PTPRE: variants seen among roughly 807,000 people sequenced by gnomAD.
PTPRE encodes the protein receptor-type tyrosine-protein phosphatase epsilon.
In PTPRE, 51 loss-of-function variants were observed where a neutral mutation model predicts 102.0. That is an observed-to-expected ratio of 0.50 (90% CI 0.40 to 0.63). The LOEUF (loss-of-function observed/expected upper bound fraction) is 0.63, where lower values mean the gene tolerates loss of function less well. Among genes scored for constraint, PTPRE ranks in the 30% least tolerant of loss-of-function variants. The probability of loss-of-function intolerance (pLI) is 0.00; values close to 1 mark genes in which losing one functional copy is unlikely to be tolerated. For missense variants in PTPRE, 752 were observed against 915.1 expected (o/e 0.82, Z 2.30); for synonymous variants, 345 against 348.2 (o/e 0.99, Z 0.10).
intron 1 of PTPRE, among the ~76,000 whole-genome samples, chr10:127,932,573 C>T (rs1315932302): frequency 7.9e-5 from 12 of 152,202 alleles, no homozygotes; most frequent in Admixed American, 7.8e-4. Context: ...TTTTACTCTG[C>T]TTTCCCTGCA....
At chr10:128,071,988 T>C in intron 15 of PTPRE, 150 bp from the exon 16 acceptor site, 1 of 586,616 alleles carries the variant, frequency 1.7e-6, no homozygotes, top group South Asian at 2.5e-5. Flanking sequence ...ACTTTAATTA[T>C]CGTCTCTCAT....
At chr10:128,082,761 A>G in intron 20 of PTPRE, 71 bp from the exon 21 acceptor site, 1 of 1,476,100 alleles carries the variant, frequency 6.8e-7, no homozygotes. Flanking sequence ...CTTGTTTTTG[A>G]GTATTTCTCC....
At chr10:128,023,296 A>C (rs1487588838) in intron 2 of PTPRE, among the ~76,000 whole-genome samples, 3 of 152,066 alleles carry the variant, frequency 2.0e-5, no homozygotes, top group Non-Finnish European at 4.4e-5. Context: ...ATATATACAT[A>C]GTATGTATAG....
Position 128,077,936 on chromosome 10 carries a change from C to T in PTPRE, c.1892+153C>T, listed in dbSNP as rs773609563. On this transcript the variant is annotated intron_variant, in intron 19 of 20. Coordinates refer to ENST00000254667, the MANE Select transcript of PTPRE (RefSeq NM_006504.6). The stretch of plus-strand genomic sequence containing the variant: ...ACCTCTCCTTACACACATGCACACA[C>T]GACTTCACTTAAGTACATACATGTC... Among the ~76,000 whole-genome samples the T allele has an allele frequency of 1.2e-4, 18 of 152,218 alleles. 1 individual carries two copies. Among genetic ancestry groups the T allele is most frequent in the South Asian group, 4.1e-4 (2 of 4,832 alleles).
intron 1 of PTPRE, among the ~76,000 whole-genome samples, chr10:127,928,548 C>A (rs1051527051): frequency 3.9e-5 from 6 of 152,170 alleles, no homozygotes; most frequent in African/African-American, 1.4e-4. Context: ...GCTTTGATGG[C>A]TTAATTCCAC....
intron 2 of PTPRE, among the ~76,000 whole-genome samples, chr10:128,022,598 C>T (rs1174036210): frequency 6.6e-6 from 1 of 152,216 alleles, no homozygotes; most frequent in Admixed American, 6.5e-5. Context: ...CTCTGCCCTG[C>T]ACCTCCAGAG....
rs1003067136 is a variant in PTPRE at position 128,085,748 on chromosome 10, A to G, written c.*2842A>G. 1.3e-5 allele frequency: 2 copies of G among 152,374 alleles called. No individual in the cohort carries two copies. The highest frequency in any genetic ancestry group is 4.8e-5 in the African/African-American group (2 of 41,344). 9.4% of individuals were successfully genotyped at this position (152,374 alleles called of 1,614,324 possible). ...TTTCTTTGATTACATTTATAATTTG[A>G]TCTTGCTCTGATTATAATGCCAGTG... On this transcript the variant is annotated 3_prime_UTR_variant, in exon 21 of 21. Coordinates refer to ENST00000254667, the MANE Select transcript of PTPRE (RefSeq NM_006504.6).
chr10:128,026,475 G>A lies in PTPRE; in HGVS notation c.-7-14400G>A, dbSNP rs573070080. Among the ~76,000 whole-genome samples the A allele has an allele frequency of 2.8e-4, 43 of 152,322 alleles. 1 individual carries two copies. Among genetic ancestry groups the A allele is most frequent in the South Asian group, 1.4e-3 (7 of 4,832 alleles). Reference sequence around the variant, plus strand: ...CCAGTGGGTCAGCTCGGGCTTGTCCGGAGCATGGCTGGTCCCCTGCCCAGA... The same window carrying A: ...CCAGTGGGTCAGCTCGGGCTTGTCCAGAGCATGGCTGGTCCCCTGCCCAGA... On this transcript the variant is annotated intron_variant, in intron 2 of 20. Coordinates refer to ENST00000254667, the MANE Select transcript of PTPRE (RefSeq NM_006504.6).
chr10:127,962,668 G>A (rs1267828847), intron 1 of PTPRE, among the ~76,000 whole-genome samples: 2 of 152,204 alleles, frequency 1.3e-5, no homozygotes, highest in South Asian at 2.1e-4. Context: ...GGCCCTCAGC[G>A]GGGCGGCTGT....
At chr10:127,932,964 G>A (rs1179888356) in intron 1 of PTPRE, among the ~76,000 whole-genome samples, 17 of 152,298 alleles carry the variant, frequency 1.1e-4, no homozygotes, top group Middle Eastern at 3.4e-3. Flanking sequence ...ATGCTTTAGC[G>A]GGTGGCTCCT....
intron 1 of PTPRE, among the ~76,000 whole-genome samples, chr10:127,972,317 G>A (rs892027153): frequency 2.0e-5 from 3 of 152,146 alleles, no homozygotes; most frequent in African/African-American, 7.2e-5. Flanking sequence ...ATAGAACATG[G>A]GATTTGGAGT....
chr10:128,049,171 T>G (rs1848343557), intron 5 of PTPRE, among the ~76,000 whole-genome samples: 1 of 148,966 alleles, frequency 6.7e-6, no homozygotes, highest in South Asian at 2.1e-4. Flanking sequence ...AAAGCTGAGC[T>G]GGAGAGTGAG....
intron 2 of PTPRE, among the ~76,000 whole-genome samples, chr10:128,020,647 T>C (rs1411749413): frequency 6.6e-6 from 1 of 152,224 alleles, no homozygotes; most frequent in East Asian, 1.9e-4. Flanking sequence ...GCAGCCCTGC[T>C]GGGAAATGCT....
At chr10:128,050,147 A>C (rs1056990000) in intron 6 of PTPRE, among the ~76,000 whole-genome samples, 17 of 118,712 alleles carry the variant, frequency 1.4e-4, no homozygotes, top group Admixed American at 6.2e-4. Flanking sequence ...TTGAGAGAAC[A>C]CTAGCTATAT....
intron 2 of PTPRE, among the ~76,000 whole-genome samples, chr10:128,038,894 G>C: frequency 6.6e-6 from 1 of 152,248 alleles, no homozygotes. Flanking sequence ...CCCATTGCTG[G>C]TCATGTCAGG....
chr10:127,936,471 G>T (rs553754698), intron 1 of PTPRE, among the ~76,000 whole-genome samples: 3 of 152,164 alleles, frequency 2.0e-5, no homozygotes, highest in South Asian at 2.1e-4. Flanking sequence ...TGCCTGGACC[G>T]CTGGTCCTTG....
At chr10:128,076,480 G>GTTT (rs3833746) in intron 17 of PTPRE, 123 bp from the exon 18 acceptor site, 500 of 795,784 alleles carry the variant, frequency 6.3e-4, no homozygotes, top group South Asian at 1.2e-3. Flanking sequence ...ATATTCATAT[G>GTTT]TTTTTTTTTT....
chr10:128,029,810 G>C (rs1036480085), intron 2 of PTPRE, among the ~76,000 whole-genome samples: 1 of 152,220 alleles, frequency 6.6e-6, no homozygotes, highest in Non-Finnish European at 1.5e-5. Context: ...CCAGGGCTGG[G>C]GTCTTAGGGG....
rs866347150 is a variant in PTPRE, at chr10:128,008,109, C to T, written c.-8+25813C>T. ...GGGAGGCACAGGAGGCACCACGCCACGTGTGCCTGTCTGCAGAGTCCCCTG... is the reference window on the plus strand; with the variant it reads ...GGGAGGCACAGGAGGCACCACGCCATGTGTGCCTGTCTGCAGAGTCCCCTG... On this transcript the variant is annotated intron_variant, in intron 2 of 20. Coordinates refer to ENST00000254667, the MANE Select transcript of PTPRE (RefSeq NM_006504.6). This position sits in a 1 kb window ranked among gnomAD's most constrained non-coding sequence, Gnocchi z 4.0. 6.6e-6 allele frequency among the ~76,000 whole-genome samples: 1 copy of T among 152,192 alleles called. No individual in the cohort carries two copies. Among genetic ancestry groups the T allele is most frequent in the Admixed American group, 6.5e-5 (1 of 15,280 alleles).
Sources: gnomAD v4.1 joint callset for allele counts (sites outside exome capture counted in the v4.1 genomes callset) on GRCh38, gnomAD v4.1.1 for gene constraint, Gnocchi (gnomAD v3.1) non-coding constraint, MANE v1.5 for transcripts, NCBI Gene and HGNC (gene_info 2026-07-23, HGNC 2026-07-21) for gene names.